Variants in OSBPL1A observed in about 807,000 individuals in gnomAD.
OSBPL1A encodes the protein oxysterol-binding protein-related protein 1.
A neutral mutation model predicts 137.1 loss-of-function variants in OSBPL1A; 80 were observed. That is an observed-to-expected ratio of 0.58 (90% CI 0.49 to 0.70). OSBPL1A has a LOEUF of 0.70. OSBPL1A is among the 30% of genes least tolerant of loss of function. OSBPL1A has a pLI of 0.00. For missense variants in OSBPL1A, 970 were observed against 1,129.4 expected (o/e 0.86, Z 2.02); for synonymous variants, 365 against 389.7 (o/e 0.94, Z 0.75).
chr18:24,250,661 G>A (rs180894998), intron 15 of OSBPL1A, among the ~76,000 whole-genome samples: 7 of 152,186 alleles, frequency 4.6e-5, no homozygotes, highest in Non-Finnish European at 1.0e-4. Flanking sequence ...CTGGCTTCAG[G>A]TGACACCCAA....
intron 16 of OSBPL1A, 34 bp downstream of exon 16, chr18:24,239,186 A>G (rs747994611): frequency 1.2e-4 from 195 of 1,604,712 alleles, no homozygotes; most frequent in Non-Finnish European, 1.5e-4. Flanking sequence ...ACTCTAAATC[A>G]CCAACAATGC....
intron 4 of OSBPL1A, among the ~76,000 whole-genome samples, chr18:24,353,400 T>C (rs2146174454): frequency 6.6e-6 from 1 of 152,160 alleles, no homozygotes; most frequent in East Asian, 1.9e-4. Context: ...ATGGCGATCA[T>C]TAAAAAGTCA....
intron 4 of OSBPL1A, among the ~76,000 whole-genome samples, chr18:24,358,761 G>C (rs943142725): frequency 6.6e-6 from 1 of 152,158 alleles, no homozygotes; most frequent in Non-Finnish European, 1.5e-5. Flanking sequence ...CTATTTTAGA[G>C]ACAGGGTCTT....
intron 2 of OSBPL1A, among the ~76,000 whole-genome samples, chr18:24,373,969 C>G (rs186519178): frequency 1.1e-3 from 172 of 152,070 alleles, no homozygotes; most frequent in African/African-American, 4.0e-3. Flanking sequence ...TTTACATTTC[C>G]AAGTAGATGA....
At chr18:24,256,300 C>G (rs2089272900) in intron 15 of OSBPL1A, among the ~76,000 whole-genome samples, 1 of 152,092 alleles carries the variant, frequency 6.6e-6, no homozygotes, top group Non-Finnish European at 1.5e-5. Flanking sequence ...TGGGATTTAT[C>G]CCAGGGATGG....
At chr18:24,350,672 G>A (rs2091423017) in intron 4 of OSBPL1A, among the ~76,000 whole-genome samples, 1 of 152,038 alleles carries the variant, frequency 6.6e-6, no homozygotes, top group Non-Finnish European at 1.5e-5. Flanking sequence ...AATAAGAATA[G>A]CACTAGACTT....
At chr18:24,227,900 T>C (rs980153525) in intron 16 of OSBPL1A, among the ~76,000 whole-genome samples, 2 of 152,094 alleles carry the variant, frequency 1.3e-5, no homozygotes, top group African/African-American at 4.8e-5. Context: ...TGAAGCAAAA[T>C]ACCTCAAGCA....
intron 13 of OSBPL1A, among the ~76,000 whole-genome samples, chr18:24,306,514 C>T (rs1040574323): frequency 6.6e-6 from 1 of 152,072 alleles, no homozygotes; most frequent in African/African-American, 2.4e-5. Context: ...CACAACATTA[C>T]GGTGAAAAAA....
At chr18:24,391,024 C>T (rs1003441474) in intron 1 of OSBPL1A, among the ~76,000 whole-genome samples, 17 of 151,368 alleles carry the variant, frequency 1.1e-4, no homozygotes, top group Admixed American at 7.2e-4. Context: ...GGCTTGAGCC[C>T]GGGAGGCAGG....
intron 17 of OSBPL1A, among the ~76,000 whole-genome samples, chr18:24,217,239 T>A (rs1440853618): frequency 1.3e-5 from 2 of 151,572 alleles, no homozygotes; most frequent in African/African-American, 4.8e-5. Context: ...CTTCTTTATT[T>A]TTTGAGACAA....
At chr18:24,328,036 CT>C (rs10563779) in intron 7 of OSBPL1A, among the ~76,000 whole-genome samples, 1,805 of 95,648 alleles carry the variant, frequency 0.019, 18 homozygotes, top group African/African-American at 0.047. Flanking sequence ...AGAAATCACA[CT>C]TTTTTTTTTT....
At chr18:24,355,986 AAAAAAAAAAAAAAAGAAAAG>A (rs1430701331) in intron 4 of OSBPL1A, among the ~76,000 whole-genome samples, 1 of 66,184 alleles carries the variant, frequency 1.5e-5, no homozygotes, top group Non-Finnish European at 3.0e-5. Flanking sequence ...CTCTTGTCTC[AAAAAAAAAAAAAAAGAAAAG>A]AAAAAAAAAG....
intron 16 of OSBPL1A, among the ~76,000 whole-genome samples, chr18:24,232,918 A>G (rs1312813873): frequency 6.6e-6 from 1 of 152,208 alleles, no homozygotes; most frequent in African/African-American, 2.4e-5. Context: ...TTCATGATAT[A>G]ACTATCTATT....
At chr18:24,251,211 T>G (rs981013995) in intron 15 of OSBPL1A, among the ~76,000 whole-genome samples, 3 of 152,194 alleles carry the variant, frequency 2.0e-5, no homozygotes, top group African/African-American at 4.8e-5. Context: ...GAACAAAACC[T>G]GGCTGGCTTT....
rs1252103533 is a variant in OSBPL1A at position 24,280,931 on chromosome 18, G to C, written c.1192C>G (p.Leu398Val). ...DMAKEMLPSF[L>V]QKVEVVSEAS... ...TCTGAGACAACTTCAACTTTCTGAA[G>C]AAATGATGGAAGCATTTCTATAAAG... The change falls in exon 15 of 28, where the codon CTT (leucine) becomes GTT (valine). Residue 398 changes from leucine (L) to valine (V), a missense_variant. This residue lies in a region of OSBPL1A where 647 missense variants were observed against 672.6 expected (regional missense o/e 0.96). Transcript: ENST00000319481. The C allele has an allele frequency of 6.2e-7, 1 of 1,601,868 alleles. No homozygotes were observed. Among genetic ancestry groups the C allele is most frequent in the African/African-American group, 1.3e-5 (1 of 74,168 alleles).
chr18:24,326,352 G>A (rs1021074617), intron 7 of OSBPL1A, among the ~76,000 whole-genome samples: 11 of 152,148 alleles, frequency 7.2e-5, no homozygotes, highest in South Asian at 4.1e-4. Flanking sequence ...ACCCCTCTCT[G>A]TCCCTATCCA....
At chr18:24,236,816 C>G (rs1240495387) in intron 16 of OSBPL1A, among the ~76,000 whole-genome samples, 1 of 152,178 alleles carries the variant, frequency 6.6e-6, no homozygotes, top group African/African-American at 2.4e-5. Context: ...TTTGCCAATC[C>G]TGATCTAGGG....
At chr18:24,220,057 C>G (rs946564104) in intron 17 of OSBPL1A, among the ~76,000 whole-genome samples, 1 of 152,188 alleles carries the variant, frequency 6.6e-6, no homozygotes, top group East Asian at 1.9e-4. Context: ...GGATGTCACA[C>G]GTAATGAGTG....
At chr18:24,174,616 T>C (rs956211677) in intron 21 of OSBPL1A, among the ~76,000 whole-genome samples, 4 of 152,224 alleles carry the variant, frequency 2.6e-5, no homozygotes, top group African/African-American at 9.7e-5. Flanking sequence ...TCCACATCCT[T>C]GTCAGCACTT....
Sources: gnomAD v4.1 joint callset for allele counts (sites outside exome capture counted in the v4.1 genomes callset) on GRCh38, gnomAD v4.1.1 for gene constraint, gnomAD v4.1.1 regional missense constraint, MANE v1.5 for transcripts, NCBI Gene and HGNC (gene_info 2026-07-23, HGNC 2026-07-21) for gene names.